Variants in VPS13B observed in about 807,000 individuals in gnomAD.
VPS13B encodes the protein vacuolar protein sorting 13 homolog B.
Under a neutral mutation model 426.4 loss-of-function variants are expected in VPS13B, and 285 were observed. The observed-to-expected ratio is 0.67, with a 90% CI of 0.61 to 0.74. The LOEUF is 0.74. VPS13B is among the 30% of genes least tolerant of loss of function. The probability of loss-of-function intolerance (pLI) is 0.00; values close to 1 mark genes in which losing one functional copy is unlikely to be tolerated. For synonymous variants in VPS13B, 1,676 were observed against 1,676.4 expected, an observed-to-expected ratio of 1.00 and a Z score of 0.01; for missense variants, 4,537 against 4,782.6, an observed-to-expected ratio of 0.95 and a Z score of 1.51.
intron 30 of VPS13B, among the ~76,000 whole-genome samples, chr8:99,550,791 G>A (rs1453065662): frequency 6.6e-6 from 1 of 151,770 alleles, no homozygotes; most frequent in African/African-American, 2.4e-5. Context: ...TTTGACCAGT[G>A]GATGACTCAT....
intron 21 of VPS13B, among the ~76,000 whole-genome samples, chr8:99,425,648 A>C: frequency 6.6e-6 from 1 of 152,174 alleles, no homozygotes. Flanking sequence ...CCCTTTGAAA[A>C]CTGGCACAAG....
chr8:99,053,140 A>AT (rs1392837070), intron 3 of VPS13B, among the ~76,000 whole-genome samples: 3 of 151,048 alleles, frequency 2.0e-5, no homozygotes, highest in Non-Finnish European at 3.0e-5. Context: ...TTATTTATTT[A>AT]TTTTTTATTT....
intron 44 of VPS13B, among the ~76,000 whole-genome samples, chr8:99,811,493 G>A (rs2130791661): frequency 6.6e-6 from 1 of 152,264 alleles, no homozygotes; most frequent in Middle Eastern, 3.4e-3. Flanking sequence ...TTCAGATTGG[G>A]TGTGGTCTGT....
chr8:99,072,297 T>C (rs1049735380), intron 3 of VPS13B, among the ~76,000 whole-genome samples: 6 of 152,150 alleles, frequency 3.9e-5, no homozygotes, highest in African/African-American at 1.4e-4. Context: ...CAGCGCGTTA[T>C]GAATCCTGCC....
chr8:99,828,737 A>G (rs962144306), intron 51 of VPS13B, among the ~76,000 whole-genome samples: 2 of 152,038 alleles, frequency 1.3e-5, no homozygotes, highest in Non-Finnish European at 2.9e-5. Flanking sequence ...GACTGGTACC[A>G]GTTTTTCCTT....
chr8:99,669,985 A>T (rs1830641310), intron 35 of VPS13B, among the ~76,000 whole-genome samples: 1 of 152,138 alleles, frequency 6.6e-6, no homozygotes, highest in South Asian at 2.1e-4. Flanking sequence ...GCTATAAAAT[A>T]GTAAAAGAGT....
intron 54 of VPS13B, among the ~76,000 whole-genome samples, chr8:99,842,475 C>A (rs534441947): frequency 6.6e-6 from 1 of 151,872 alleles, no homozygotes; most frequent in South Asian, 2.1e-4. Flanking sequence ...AATCACCAAG[C>A]GTGGTGGTGC....
intron 25 of VPS13B, among the ~76,000 whole-genome samples, chr8:99,493,066 C>T (rs985599110): frequency 3.9e-5 from 6 of 152,108 alleles, no homozygotes; most frequent in African/African-American, 7.2e-5. Context: ...CTAATTATAT[C>T]GATTGATTTT....
chr8:99,713,878 G>C (rs762800523), intron 36 of VPS13B, among the ~76,000 whole-genome samples: 3 of 152,164 alleles, frequency 2.0e-5, no homozygotes, highest in Non-Finnish European at 4.4e-5. Context: ...AGTGGCTCAC[G>C]CCTGTAATCC....
chr8:99,084,445 C>A (rs1845657348), intron 3 of VPS13B, among the ~76,000 whole-genome samples: 1 of 152,138 alleles, frequency 6.6e-6, no homozygotes, highest in Non-Finnish European at 1.5e-5. Flanking sequence ...TTTTGTGTCT[C>A]TGTTTCCTTC....
In VPS13B at chr8:99,832,954, G is replaced by A. The variant is rs78692729; in HGVS notation, c.9614+302G>A. ...TATGTATCATCATACAAATAGCATC[G>A]TATGAAAAGATCATATCATAATGAA... On this transcript the variant is annotated intron_variant, in intron 52 of 61. Transcript: ENST00000357162. Among the ~76,000 whole-genome samples, 988 of 152,192 alleles carry A rather than the reference G, an allele frequency of 6.5e-3. 12 individuals are homozygous for A. The highest frequency in any genetic ancestry group is 0.022 in the African/African-American group (929 of 41,512).
rs181764317 is a variant in VPS13B at position 99,457,633 on chromosome 8, T to G, written c.3446-9781T>G. ...CTATTTTCTTTTTTTAATAGCTTTGTGTTTAGTTTTATCTTATTATTTCTC... is the reference window on the plus strand; with the variant it reads ...CTATTTTCTTTTTTTAATAGCTTTGGGTTTAGTTTTATCTTATTATTTCTC... On this transcript the variant is annotated intron_variant, in intron 23 of 61. Transcript: ENST00000357162. Among the ~76,000 whole-genome samples, 564 of 152,222 alleles carry G rather than the reference T, an allele frequency of 3.7e-3. 3 individuals carry two copies. The highest frequency in any genetic ancestry group is 0.013 in the African/African-American group (540 of 41,558).
chr8:99,241,285 G>T (rs186010707), intron 17 of VPS13B: 1 of 152,192 alleles, frequency 6.6e-6, no homozygotes, highest in Admixed American at 6.5e-5. Context: ...AAAGAGGATA[G>T]TGATAGAGAT....
At chr8:99,157,704 C>T (rs1260149201) in intron 15 of VPS13B, among the ~76,000 whole-genome samples, 1 of 152,124 alleles carries the variant, frequency 6.6e-6, no homozygotes, top group Non-Finnish European at 1.5e-5. Flanking sequence ...AAGTAATTAA[C>T]CTTAATGAAG....
intron 21 of VPS13B, among the ~76,000 whole-genome samples, chr8:99,401,711 C>T (rs1278828790): frequency 6.6e-6 from 1 of 152,096 alleles, no homozygotes; most frequent in African/African-American, 2.4e-5. Context: ...ACTAAAAGCA[C>T]AAAAATTAAC....
In VPS13B at chr8:99,467,442, G is replaced by T; in HGVS notation, c.3474G>T (p.Leu1158Phe). Residue 1158 changes from leucine to phenylalanine, a missense_variant, in exon 24 of 62, where the codon TTG becomes TTT. By Grantham distance (22) the Leu-to-Phe change is conservative (BLOSUM62 0). Coordinates refer to ENST00000357162, the MANE Select transcript of VPS13B (RefSeq NM_152564.5). ...EGDAFPWTIS[L>F]HNFSIYTLLG... ...ATGCTTTTCCTTGGACGATCAGCTT[G>T]CATAATTTCAGCATATATACCCTTC... 6.2e-7 allele frequency: 1 copy of T among 1,613,692 alleles called. No homozygotes were observed. The highest frequency in any genetic ancestry group is 8.5e-7 in the Non-Finnish European group (1 of 1,179,730).
intron 30 of VPS13B, among the ~76,000 whole-genome samples, chr8:99,549,454 A>C (rs1354445300): frequency 6.6e-6 from 1 of 151,908 alleles, no homozygotes; most frequent in Non-Finnish European, 1.5e-5. Flanking sequence ...TTTTTTCCTG[A>C]CAATTTTTGA....
At chr8:99,467,720 C>T (rs1056292984) in intron 24 of VPS13B, 86 bp downstream of exon 24, 2 of 1,365,418 alleles carry the variant, frequency 1.5e-6, no homozygotes, top group Non-Finnish European at 2.1e-6. Context: ...GGTTTCTCTT[C>T]TCTTGAGTAT....
intron 51 of VPS13B, among the ~76,000 whole-genome samples, chr8:99,831,620 A>G (rs1815066747): frequency 6.6e-6 from 1 of 152,192 alleles, no homozygotes; most frequent in African/African-American, 2.4e-5. Flanking sequence ...ATAGTTATGG[A>G]TTCAACCAAA....
Sources: allele counts gnomAD v4.1 joint callset (sites outside exome capture counted in the v4.1 genomes callset), GRCh38; gene constraint gnomAD v4.1.1; transcripts MANE v1.5; gene names NCBI Gene and HGNC (gene_info 2026-07-23, HGNC 2026-07-21).